Variants in ZMIZ1 observed in about 807,000 individuals in gnomAD.
ZMIZ1 encodes the protein zinc finger MIZ-type containing 1, also known as zinc finger MIZ domain-containing protein 1.
Under a neutral mutation model 113.9 loss-of-function variants are expected in ZMIZ1, and 17 were observed. That is an observed-to-expected ratio of 0.15 (90% CI 0.10 to 0.22). The LOEUF is 0.22. ZMIZ1 is among the 10% of genes least tolerant of loss of function. The pLI, the probability that ZMIZ1 is intolerant of heterozygous loss-of-function variation, is 1.00. For synonymous variants in ZMIZ1, 607 were observed against 603.1 expected (o/e 1.01, Z -0.09); for missense variants, 1,059 against 1,477.8 (o/e 0.72, Z 4.65).
chr10:79,305,737 C>G, intron 21 of ZMIZ1, 136 bp downstream of exon 21: 1 of 913,152 alleles, frequency 1.1e-6, no homozygotes, highest in East Asian at 2.6e-5. Flanking sequence ...CCCCACCTCT[C>G]TGTCCCTTAC....
chr10:79,080,073 G>A (rs551017417), intron 1 of ZMIZ1, among the ~76,000 whole-genome samples: 140 of 152,298 alleles, frequency 9.2e-4, no homozygotes, highest in Non-Finnish European at 1.8e-3. Flanking sequence ...CCAGAGAGCC[G>A]CTGGCCGGCC....
At chr10:79,122,609 T>A (rs943003540) in intron 2 of ZMIZ1, among the ~76,000 whole-genome samples, 6 of 152,172 alleles carry the variant, frequency 3.9e-5, no homozygotes, top group African/African-American at 4.8e-5. Flanking sequence ...CCTTCCAACC[T>A]TTACTCTGTG....
Position 79,296,614 on chromosome 10 carries a change from G to A in ZMIZ1, c.1374G>A (p.Gln458=), listed in dbSNP as rs1244244108. The change falls in exon 13 of 25, where the codon CAG becomes CAA. Residue 458 remains glutamine (Q), a synonymous_variant. Coordinates refer to ENST00000334512, the MANE Select transcript of ZMIZ1 (RefSeq NM_020338.4). This position sits in a 1 kb window ranked among gnomAD's most constrained non-coding sequence, Gnocchi z 4.1. ...TGCCCAGCCAGCCGAGCTCCGGGCA[G>A]TACCCGCCCCCCACGGTCAACATGG... ...QRMPSQPSSG[Q]YPPPTVNMGQ... 3 of 1,599,408 alleles carry A rather than the reference G, an allele frequency of 1.9e-6. No homozygotes were observed. Among genetic ancestry groups the A allele is most frequent in the Non-Finnish European group, 2.6e-6 (3 of 1,172,144 alleles).
chr10:79,124,538 C>T (rs1013181783), intron 2 of ZMIZ1, among the ~76,000 whole-genome samples: 2 of 152,226 alleles, frequency 1.3e-5, no homozygotes, highest in Non-Finnish European at 2.9e-5. Flanking sequence ...CTTCCTTGTG[C>T]TCCTGCACCG....
chr10:79,249,038 G>T (rs1850382731), intron 7 of ZMIZ1, among the ~76,000 whole-genome samples: 1 of 152,186 alleles, frequency 6.6e-6, no homozygotes, highest in Admixed American at 6.5e-5. Context: ...AGAAGATTTA[G>T]CAAGGTCTGG....
rs572956237 is a variant in ZMIZ1, at chr10:79,298,671, T to C, written c.1666+91T>C. 2.2e-5 allele frequency: 27 copies of C among 1,241,502 alleles called. No homozygotes were observed. In the Middle Eastern group the frequency reaches 9.1e-4, roughly 42 times the overall value. The allele number at this position is 1,241,502 out of a possible 1,614,324, so 76.9% of individuals were successfully genotyped here. A position where few individuals can be genotyped will look rare whatever the true frequency, so the allele number is the denominator to read the frequency against. ...CTTCGCAGTCAGGCTGCCTGGGGAG[T>C]GGGCATCAGAAGGGGCAGAGAGTTG... On this transcript the variant is annotated intron_variant, in intron 15 of 24. Coordinates refer to ENST00000334512, the MANE Select transcript of ZMIZ1 (RefSeq NM_020338.4).
At chr10:79,277,727 G>A (rs1051139602) in intron 8 of ZMIZ1, among the ~76,000 whole-genome samples, 62 of 152,306 alleles carry the variant, frequency 4.1e-4, no homozygotes, top group Admixed American at 9.8e-4. Flanking sequence ...AGCCACCCTG[G>A]AGCCAAGTAA....
At chr10:79,249,283 C>T (rs1348682718) in intron 7 of ZMIZ1, among the ~76,000 whole-genome samples, 1 of 152,216 alleles carries the variant, frequency 6.6e-6, no homozygotes, top group Non-Finnish European at 1.5e-5. Flanking sequence ...CAGGATCCAG[C>T]GCTGTACATC....
chr10:79,208,503 C>A, intron 6 of ZMIZ1, 54 bp downstream of exon 6: 1 of 1,467,030 alleles, frequency 6.8e-7, no homozygotes, highest in Non-Finnish European at 9.4e-7. Context: ...CAGCTGAGTG[C>A]TAGCGTGCCT....
chr10:79,129,906 G>T (rs1049373592), intron 2 of ZMIZ1, among the ~76,000 whole-genome samples: 1 of 152,228 alleles, frequency 6.6e-6, no homozygotes, highest in Non-Finnish European at 1.5e-5. Context: ...CTGCTGGCCT[G>T]CAGTGCCCTC....
At chr10:79,259,446 G>A (rs1349057519) in intron 7 of ZMIZ1, among the ~76,000 whole-genome samples, 1 of 152,110 alleles carries the variant, frequency 6.6e-6, no homozygotes. Flanking sequence ...GGCTTCTTCT[G>A]TTCCATGCAG....
chr10:79,123,046 G>A (rs548716946), intron 2 of ZMIZ1, among the ~76,000 whole-genome samples: 12 of 152,330 alleles, frequency 7.9e-5, no homozygotes, highest in Non-Finnish European at 1.5e-4. Context: ...CACGTGGCTC[G>A]GCGGACTAGA....
intron 1 of ZMIZ1, among the ~76,000 whole-genome samples, chr10:79,078,833 A>G (rs1842566432): frequency 6.6e-6 from 1 of 151,292 alleles, no homozygotes; most frequent in Non-Finnish European, 1.5e-5. Flanking sequence ...TACAAGCATG[A>G]GCACCATGCC....
intron 8 of ZMIZ1, among the ~76,000 whole-genome samples, chr10:79,281,244 C>T (rs1852724189): frequency 6.6e-6 from 1 of 152,172 alleles, no homozygotes; most frequent in African/African-American, 2.4e-5. Context: ...GAGGAGCAGC[C>T]TCAAGCTAGT....
intron 23 of ZMIZ1, 144 bp from the exon 24 acceptor site, chr10:79,310,780 G>T: frequency 1.0e-6 from 1 of 974,598 alleles, no homozygotes; most frequent in Non-Finnish European, 1.5e-6. Context: ...TCTCTGCCCA[G>T]AAACAACGTT....
chr10:79,138,655 C>T (rs561926715), intron 2 of ZMIZ1, among the ~76,000 whole-genome samples: 2 of 152,226 alleles, frequency 1.3e-5, no homozygotes, highest in Admixed American at 6.5e-5. Flanking sequence ...TCAGCCAGCC[C>T]GCCCCTCCTC....
At chr10:79,299,229 G>A (rs373615877) in intron 16 of ZMIZ1, 38 bp downstream of exon 16, 141 of 1,576,000 alleles carry the variant, frequency 8.9e-5, no homozygotes, top group Middle Eastern at 8.7e-4. Flanking sequence ...CAGGCGGGAT[G>A]AAGGAGGTCC....
rs1439738815 is a variant in ZMIZ1, at chr10:79,316,077, T to C, written c.*3328T>C. ...TATTTTTAGGGTGCTATGGAAATAA[T>C]GAAAAGAAACGGGGATTTCAGAAGA... On this transcript the variant is annotated 3_prime_UTR_variant, in exon 25 of 25. Coordinates refer to ENST00000334512, the MANE Select transcript of ZMIZ1 (RefSeq NM_020338.4). 1.3e-5 allele frequency: 2 copies of C among 152,762 alleles called. No individual in the cohort carries two copies. The highest frequency in any genetic ancestry group is 2.9e-5 in the Non-Finnish European group (2 of 68,038). The allele number at this position is 152,762 out of a possible 1,614,324, so 9.5% of individuals were successfully genotyped here. A position where few individuals can be genotyped will look rare whatever the true frequency, so the allele number is the denominator to read the frequency against.
At chr10:79,282,691 A>T (rs1852816791) in intron 8 of ZMIZ1, among the ~76,000 whole-genome samples, 1 of 152,212 alleles carries the variant, frequency 6.6e-6, no homozygotes, top group East Asian at 1.9e-4. Flanking sequence ...GTGCCGCATG[A>T]GCAGGATGTC....
Sources: gnomAD v4.1 joint callset for allele counts (sites outside exome capture counted in the v4.1 genomes callset) on GRCh38, gnomAD v4.1.1 for gene constraint, Gnocchi (gnomAD v3.1) non-coding constraint, MANE v1.5 for transcripts, NCBI Gene and HGNC (gene_info 2026-07-23, HGNC 2026-07-21) for gene names.